LCOR: variants seen among roughly 807,000 people sequenced by gnomAD.
The protein encoded by LCOR is ligand-dependent corepressor.
LCOR carries 14 observed loss-of-function variants against 64.4 expected under a neutral mutation model. That is an observed-to-expected ratio of 0.22 (90% CI 0.14 to 0.34). The LOEUF (loss-of-function observed/expected upper bound fraction) is 0.34, where lower values mean the gene tolerates loss of function less well. Among genes scored for constraint, LCOR ranks in the 10% least tolerant of loss-of-function variants. The probability of loss-of-function intolerance (pLI) is 1.00; values close to 1 mark genes in which losing one functional copy is unlikely to be tolerated. For missense variants in LCOR, 1,686 were observed against 1,765.3 expected (o/e 0.96, Z 0.80); for synonymous variants, 643 against 642.5 (o/e 1.00, Z -0.01).
intron 2 of LCOR, among the ~76,000 whole-genome samples, chr10:96,896,514 C>T (rs1846539767): frequency 6.6e-6 from 1 of 152,200 alleles, no homozygotes; most frequent in East Asian, 1.9e-4. Context: ...GCCTCCACCA[C>T]CCAGGCTCAA....
At position 96,993,508 on chromosome 10, in the gene LCOR, T is replaced by C. The variant is rs1020350824; in HGVS notation, c.*8374T>C. On this transcript the variant is annotated 3_prime_UTR_variant, in exon 8 of 8. Transcript: ENST00000421806. Reference sequence around the variant, plus strand: ...TGTTCACAAGAAGTAATGTTGTAAATAGTTTTCTAAAAATATTTATTACTT... The same window carrying C: ...TGTTCACAAGAAGTAATGTTGTAAACAGTTTTCTAAAAATATTTATTACTT... 2 of 152,114 alleles carry C rather than the reference T, an allele frequency of 1.3e-5. No homozygotes were observed. The highest frequency in any genetic ancestry group is 2.9e-5 in the Non-Finnish European group (2 of 68,028). The allele number at this position is 152,114 out of a possible 1,614,324, so 9.4% of individuals were successfully genotyped here. A position where few individuals can be genotyped will look rare whatever the true frequency, so the allele number is the denominator to read the frequency against.
intron 5 of LCOR, among the ~76,000 whole-genome samples, chr10:96,947,751 A>G (rs997728203): frequency 6.6e-6 from 1 of 151,838 alleles, no homozygotes; most frequent in Non-Finnish European, 1.5e-5. Flanking sequence ...TTTTTTTTAA[A>G]GGACTATTTC....
At chr10:96,900,487 TAGAGA>T (rs1398614435) in intron 2 of LCOR, among the ~76,000 whole-genome samples, 14 of 151,198 alleles carry the variant, frequency 9.3e-5, no homozygotes, top group African/African-American at 3.4e-4. Flanking sequence ...AATGATATAA[TAGAGA>T]AGAACAAAAA....
rs1026234910 is a variant in LCOR at position 96,989,771 on chromosome 10, C to T, written c.*4637C>T. On this transcript the variant is annotated 3_prime_UTR_variant, in exon 8 of 8. Transcript: ENST00000421806. ...CCGAGGCTGATCTGAAACTCCTGGC[C>T]TCAAGCAGTGCTCCCACCTCAGCCT... The T allele has an allele frequency of 8.3e-5, 12 of 144,072 alleles. No individual in the cohort carries two copies. Among genetic ancestry groups the T allele is most frequent in the Non-Finnish European group, 1.6e-4 (11 of 66,916 alleles). 8.9% of individuals were successfully genotyped at this position (144,072 alleles called of 1,614,324 possible).
At chr10:96,839,838 ACCATAC>A (rs1845508874) in intron 2 of LCOR, among the ~76,000 whole-genome samples, 1 of 152,046 alleles carries the variant, frequency 6.6e-6, no homozygotes, top group Non-Finnish European at 1.5e-5. Flanking sequence ...GGCGGGTGGC[ACCATAC>A]CCAGCTAATT....
At chr10:96,896,813 C>T (rs1195003727) in intron 2 of LCOR, among the ~76,000 whole-genome samples, 1 of 152,068 alleles carries the variant, frequency 6.6e-6, no homozygotes. Context: ...CTCCCGCAAG[C>T]ATGCTAGGTC....
chr10:96,972,131 T>C (rs534247654), intron 7 of LCOR, among the ~76,000 whole-genome samples: 1 of 152,160 alleles, frequency 6.6e-6, no homozygotes, highest in South Asian at 2.1e-4. Flanking sequence ...CCTCACACTT[T>C]AAAAATACTT....
In LCOR at chr10:96,907,670, T is replaced by C. The variant is rs1337288103; in HGVS notation, c.-261T>C. The C allele has an allele frequency of 2.3e-5, 22 of 976,304 alleles. No homozygotes were observed. The highest frequency in any genetic ancestry group is 3.5e-5 in the African/African-American group (2 of 57,060). 60.5% of individuals were successfully genotyped at this position (976,304 alleles called of 1,614,324 possible). ...TTAATTTGTTACTATTTTTGCAGAC[T>C]GTGAACCTGAAAGCATTTCTGATTG... On this transcript the variant is annotated splice_region_variant and 5_prime_UTR_variant, in exon 4 of 8. Coordinates refer to ENST00000421806, the MANE Select transcript of LCOR (RefSeq NM_001346516.2).
At chr10:96,970,629 T>A (rs376371632) in intron 7 of LCOR, among the ~76,000 whole-genome samples, 156 of 114,824 alleles carry the variant, frequency 1.4e-3, no homozygotes, top group African/African-American at 5.0e-3. Context: ...ATTTTATTTA[T>A]TTTATTTTAT....
intron 7 of LCOR, among the ~76,000 whole-genome samples, chr10:96,970,057 C>T (rs1405891661): frequency 6.9e-6 from 1 of 145,042 alleles, no homozygotes; most frequent in African/African-American, 2.5e-5. Context: ...TCCCAAAATG[C>T]TGGGATTACA....
intron 7 of LCOR, among the ~76,000 whole-genome samples, chr10:96,971,293 T>C (rs1847996817): frequency 6.6e-6 from 1 of 152,204 alleles, no homozygotes. Flanking sequence ...GTAAAAATGT[T>C]TCCTCTACCC....
At chr10:96,857,567 CTG>C (rs920213490) in intron 2 of LCOR, among the ~76,000 whole-genome samples, 2 of 152,144 alleles carry the variant, frequency 1.3e-5, no homozygotes, top group African/African-American at 4.8e-5. Context: ...ATCTTGTCAC[CTG>C]CAGAACAGTG....
intron 4 of LCOR, among the ~76,000 whole-genome samples, chr10:96,927,048 G>T (rs2134482872): frequency 6.6e-6 from 1 of 152,166 alleles, no homozygotes; most frequent in South Asian, 2.1e-4. Context: ...AGTTGGAATT[G>T]CTGAGTGGTA....
chr10:96,856,024 G>A lies in LCOR; in HGVS notation c.-330+22545G>A, dbSNP rs555249245. ...CTCCCAACGTGCTGGGATCACAGGC[G>A]TGAGACATAGCCCCTGGCCATCTAT... is the stretch of plus-strand genomic sequence containing the variant. On this transcript the variant is annotated intron_variant, in intron 2 of 7. Transcript: ENST00000421806. Among the ~76,000 whole-genome samples the A allele has an allele frequency of 3.3e-5, 5 of 152,124 alleles. No individual in the cohort carries two copies. In the South Asian group the frequency reaches 1.0e-3, roughly 32 times the overall value.
chr10:96,950,279 T>C (rs1208366632), intron 6 of LCOR, among the ~76,000 whole-genome samples: 1 of 152,202 alleles, frequency 6.6e-6, no homozygotes, highest in Non-Finnish European at 1.5e-5. Flanking sequence ...AGTTTTCCTT[T>C]GCTTTTATCC....
At chr10:96,893,954 A>G (rs1207421692) in intron 2 of LCOR, among the ~76,000 whole-genome samples, 1 of 152,180 alleles carries the variant, frequency 6.6e-6, no homozygotes. Context: ...TAAAATGTGC[A>G]TTCATGTTGA....
intron 4 of LCOR, among the ~76,000 whole-genome samples, chr10:96,920,413 TATATATATTC>T: frequency 7.2e-6 from 1 of 137,940 alleles, no homozygotes; most frequent in South Asian, 2.2e-4. Flanking sequence ...TGTATATATG[TATATATATTC>T]ATATATATGT....
chr10:96,921,270 A>T (rs1403746044), intron 4 of LCOR, among the ~76,000 whole-genome samples: 2 of 151,964 alleles, frequency 1.3e-5, no homozygotes, highest in Non-Finnish European at 2.9e-5. Context: ...ATCTATTTTT[A>T]CTTTTGTTGT....
At chr10:96,878,541 C>T (rs1020473867) in intron 2 of LCOR, among the ~76,000 whole-genome samples, 3 of 152,012 alleles carry the variant, frequency 2.0e-5, no homozygotes, top group African/African-American at 7.2e-5. Context: ...TTTAGAGTTG[C>T]CATTAACCAA....
Sources: gnomAD v4.1 joint callset for allele counts (sites outside exome capture counted in the v4.1 genomes callset) on GRCh38, gnomAD v4.1.1 for gene constraint, MANE v1.5 for transcripts, NCBI Gene and HGNC (gene_info 2026-07-23, HGNC 2026-07-21) for gene names.